C5AR2: variants seen among roughly 807,000 people sequenced by gnomAD.
C5AR2 encodes C5a anaphylatoxin chemotactic receptor 2.
For missense variants in C5AR2, 458 were observed against 467.5 expected, an observed-to-expected ratio of 0.98 and a Z score of 0.19; for synonymous variants, 224 against 216.5, an observed-to-expected ratio of 1.03 and a Z score of -0.30.
At chr19:47,335,770 T>TTAAAAAA (rs1292561661) in intron 1 of C5AR2, among the ~76,000 whole-genome samples, 26 of 364 alleles carry the variant, frequency 0.071, no homozygotes, top group Non-Finnish European at 0.16. Context: ...ATACTCCGTC[T>TTAAAAAA]CAAAAAAAAA....
intron 1 of C5AR2, among the ~76,000 whole-genome samples, chr19:47,332,925 G>A (rs1230730667): frequency 2.6e-5 from 4 of 152,050 alleles, no homozygotes; most frequent in Non-Finnish European, 4.4e-5. Context: ...TGCAGCTTTC[G>A]GCAGATCCAC....
intron 1 of C5AR2, among the ~76,000 whole-genome samples, chr19:47,333,641 C>A (rs1302214614): frequency 1.4e-5 from 2 of 138,462 alleles, no homozygotes; most frequent in East Asian, 2.1e-4. Flanking sequence ...TGCAGTGGTG[C>A]GATCTCGGCT....
rs904351125 is a variant in C5AR2 at position 47,341,361 on chromosome 19, G to T, written c.562G>T (p.Val188Leu). Residue 188 changes from valine to leucine, a missense_variant, in exon 2 of 2, where the codon GTG becomes TTG. Val to Leu is a conservative substitution (Grantham distance 32, BLOSUM62 1). Transcript: ENST00000595464. This position sits in a 1 kb window ranked among gnomAD's most constrained non-coding sequence, Gnocchi z 4.6. ...CTTCCCAGCCCGGCTGCAGTGTGTG[G>T]TGGACTACGGCGGCTCCTCCAGCAC... ...EHFPARLQCV[V>L]DYGGSSSTEN... is the part of the protein sequence containing the mutation. 2.5e-6 allele frequency: 4 copies of T among 1,612,450 alleles called. No individual in the cohort carries two copies. The highest frequency in any genetic ancestry group is 2.5e-6 in the Non-Finnish European group (3 of 1,179,904).
intron 1 of C5AR2, among the ~76,000 whole-genome samples, chr19:47,333,223 T>C (rs1022485335): frequency 6.6e-6 from 1 of 151,986 alleles, no homozygotes; most frequent in African/African-American, 2.4e-5. Context: ...CAGGCTGGTC[T>C]CCAACTTTTG....
At chr19:47,338,788 G>T (rs1372202862) in intron 1 of C5AR2, among the ~76,000 whole-genome samples, 1 of 151,656 alleles carries the variant, frequency 6.6e-6, no homozygotes, top group Non-Finnish European at 1.5e-5. Flanking sequence ...AGTGAGCTGG[G>T]AAAGTGCCGC....
chr19:47,338,388 A>G (rs1415860063), intron 1 of C5AR2, among the ~76,000 whole-genome samples: 1 of 151,248 alleles, frequency 6.6e-6, no homozygotes, highest in East Asian at 1.9e-4. Context: ...TCGAGGCTGC[A>G]GTGAGCCAAG....
intron 1 of C5AR2, among the ~76,000 whole-genome samples, chr19:47,338,082 A>T (rs12976770): frequency 0.42 from 63,278 of 151,522 alleles, 16,187 homozygotes; most frequent in Non-Finnish European, 0.57. Flanking sequence ...CTCAAAAAAA[A>T]AAATAAATAA....
In C5AR2 at chr19:47,346,769, A is replaced by G. The variant is rs1308647451; in HGVS notation, c.*4956A>G. 6.6e-6 allele frequency: 1 copy of G among 152,002 alleles called. No individual in the cohort carries two copies. The highest frequency in any genetic ancestry group is 1.5e-5 in the Non-Finnish European group (1 of 68,020). 9.4% of individuals were successfully genotyped at this position (152,002 alleles called of 1,614,324 possible). A position where few individuals can be genotyped will look rare whatever the true frequency, so the allele number is the denominator to read the frequency against. ...CAGAAAGAAGGAAGGAAAGAAAGCAAGCTGTTTTCCCCTGCCTTGCCCCTG... is the reference window on the plus strand; with the variant it reads ...CAGAAAGAAGGAAGGAAAGAAAGCAGGCTGTTTTCCCCTGCCTTGCCCCTG... On this transcript the variant is annotated 3_prime_UTR_variant, in exon 2 of 2. Coordinates refer to ENST00000595464, the MANE Select transcript of C5AR2 (RefSeq NM_001271749.2).
chr19:47,338,919 T>C (rs1286841617), intron 1 of C5AR2, among the ~76,000 whole-genome samples: 1 of 151,984 alleles, frequency 6.6e-6, no homozygotes, highest in African/African-American at 2.4e-5. Context: ...TTTGGGAGGC[T>C]GAGGCAGGTG....
Position 47,340,768 on chromosome 19 carries a change from C to G in C5AR2, c.-15-17C>G, listed in dbSNP as rs758342775. On this transcript the variant is annotated splice_polypyrimidine_tract_variant and intron_variant, in intron 1 of 1. Transcript: ENST00000595464. ...GTTTCCTCCTCTGAGTTTTCATCGTCTTTCTCTCCTGCCCAGACACCAGGA... is the reference window on the plus strand; with the variant it reads ...GTTTCCTCCTCTGAGTTTTCATCGTGTTTCTCTCCTGCCCAGACACCAGGA... The G allele has an allele frequency of 1.9e-6, 3 of 1,612,344 alleles. No homozygotes were observed. Among genetic ancestry groups the G allele is most frequent in the Non-Finnish European group, 2.5e-6 (3 of 1,179,366 alleles).
At chr19:47,333,461 A>G (rs539769872) in intron 1 of C5AR2, among the ~76,000 whole-genome samples, 89 of 152,238 alleles carry the variant, frequency 5.8e-4, no homozygotes, top group African/African-American at 2.1e-3. Context: ...GGCTGCTGTG[A>G]ACATTCTGGC....
intron 1 of C5AR2, among the ~76,000 whole-genome samples, chr19:47,336,481 CTTCCTTCCTTTCTT>C (rs2059358772): frequency 1.1e-4 from 1 of 9,512 alleles, no homozygotes; most frequent in Admixed American, 1.5e-3. Context: ...TCCTTCCTTC[CTTCCTTCCTTTCTT>C]TCTTTCTTTC....
intron 1 of C5AR2, among the ~76,000 whole-genome samples, chr19:47,337,335 G>A (rs542793770): frequency 6.6e-6 from 1 of 152,274 alleles, no homozygotes; most frequent in Admixed American, 6.5e-5. Flanking sequence ...TCTAGGGCAT[G>A]GGGTTCTGCA....
In C5AR2 at chr19:47,345,193, G is replaced by A. The variant is rs2910424; in HGVS notation, c.*3380G>A. ...GTTCACATGCCTCTGACATTTCCCC[G>A]CTCCCTTTTATAAGAGAACCTTTAA... is the stretch of plus-strand genomic sequence containing the variant. On this transcript the variant is annotated 3_prime_UTR_variant, in exon 2 of 2. Coordinates refer to ENST00000595464, the MANE Select transcript of C5AR2 (RefSeq NM_001271749.2). The A allele has an allele frequency of 0.011, 1,731 of 152,258 alleles. 23 individuals are homozygous for A. Among genetic ancestry groups the A allele is most frequent in the Middle Eastern group, 0.071 (21 of 296 alleles). 9.4% of individuals were successfully genotyped at this position (152,258 alleles called of 1,614,324 possible).
At chr19:47,333,011 T>C (rs566342512) in intron 1 of C5AR2, among the ~76,000 whole-genome samples, 7 of 151,936 alleles carry the variant, frequency 4.6e-5, no homozygotes, top group Non-Finnish European at 1.0e-4. Context: ...TCCTTTTCTC[T>C]CTTTCTTTCT....
chr19:47,341,563 T>C lies in C5AR2; in HGVS notation c.764T>C (p.Val255Ala). 2 of 1,613,468 alleles carry C rather than the reference T, an allele frequency of 1.2e-6. No homozygotes were observed. Among genetic ancestry groups the C allele is most frequent in the African/African-American group, 2.7e-5 (2 of 75,060 alleles). The change falls in exon 2 of 2, where the codon GTG becomes GCG. Residue 255 changes from valine to alanine, a missense_variant. Transcript: ENST00000595464. The surrounding 1 kb of genome is among the most constrained non-coding windows in gnomAD (Gnocchi z 4.6). ...CWAPYHLLGL[V>A]LTVAAPNSAL... ...GCACCCTACCACCTGCTGGGGCTGGTGCTCACTGTGGCGGCCCCGAACTCC... is the reference window on the plus strand; with the variant it reads ...GCACCCTACCACCTGCTGGGGCTGGCGCTCACTGTGGCGGCCCCGAACTCC...
chr19:47,340,750 C>T lies in C5AR2; in HGVS notation c.-15-35C>T, dbSNP rs761572013. The T allele has an allele frequency of 2.9e-5, 47 of 1,605,666 alleles. 1 individual carries two copies. The highest frequency in any genetic ancestry group is 1.7e-4 in the Middle Eastern group (1 of 6,046). ...GATCTCCAGGGCCATGGAGTTTCCT[C>T]CTCTGAGTTTTCATCGTCTTTCTCT... On this transcript the variant is annotated intron_variant, in intron 1 of 1. Coordinates refer to ENST00000595464, the MANE Select transcript of C5AR2 (RefSeq NM_001271749.2).
In C5AR2 at chr19:47,342,395, T is replaced by G. The variant is rs1426404228; in HGVS notation, c.*582T>G. The G allele has an allele frequency of 6.6e-6, 1 of 150,524 alleles. No homozygotes were observed. Among genetic ancestry groups the G allele is most frequent in the Non-Finnish European group, 1.5e-5 (1 of 67,620 alleles). The allele number at this position is 150,524 out of a possible 1,614,324, so 9.3% of individuals were successfully genotyped here. The stretch of plus-strand genomic sequence containing the variant: ...TAAAAGATTCTATTTATTTATTTAT[T>G]TTTTTGAGATGGAGTCTCGCTCTGT... On this transcript the variant is annotated 3_prime_UTR_variant, in exon 2 of 2. Transcript: ENST00000595464.
At chr19:47,338,545 G>A (rs1391366078) in intron 1 of C5AR2, among the ~76,000 whole-genome samples, 1 of 149,606 alleles carries the variant, frequency 6.7e-6, no homozygotes, top group African/African-American at 2.4e-5. Flanking sequence ...CAGGCACAGT[G>A]GCAATCATGC....
Sources: gnomAD v4.1 joint callset for allele counts (sites outside exome capture counted in the v4.1 genomes callset) on GRCh38, gnomAD v4.1.1 for gene constraint, Gnocchi (gnomAD v3.1) non-coding constraint, MANE v1.5 for transcripts, NCBI Gene and HGNC (gene_info 2026-07-23, HGNC 2026-07-21) for gene names.